The following ANKRD55 variants were observed in gnomAD, a reference collection of about 807,000 sequenced individuals.
The protein encoded by ANKRD55 is ankyrin repeat domain 55.
Under a neutral mutation model 60.6 loss-of-function variants are expected in ANKRD55, and 41 were observed. That is an observed-to-expected ratio of 0.68 (90% CI 0.53 to 0.88). ANKRD55 has a LOEUF of 0.88. Ranked by LOEUF, ANKRD55 falls within the 40% of genes least tolerant of loss-of-function variation. The pLI, the probability that ANKRD55 is intolerant of heterozygous loss-of-function variation, is 0.00. For missense variants in ANKRD55, 732 were observed against 767.6 expected (o/e 0.95, Z 0.55); for synonymous variants, 264 against 290.3 (o/e 0.91, Z 0.92).
intron 2 of ANKRD55, among the ~76,000 whole-genome samples, chr5:56,214,483 AC>A (rs1759755779): frequency 6.6e-6 from 1 of 152,182 alleles, no homozygotes. Flanking sequence ...TATAACCCAC[AC>A]CAACAGTTTC....
At chr5:56,194,400 G>A (rs1292753967) in intron 2 of ANKRD55, among the ~76,000 whole-genome samples, 2 of 151,464 alleles carry the variant, frequency 1.3e-5, no homozygotes, top group African/African-American at 4.9e-5. Context: ...GTTTATATTT[G>A]CAGGATGATA....
intron 5 of ANKRD55, among the ~76,000 whole-genome samples, chr5:56,169,008 C>T (rs544137505): frequency 2.6e-5 from 4 of 152,230 alleles, no homozygotes; most frequent in African/African-American, 9.6e-5. Flanking sequence ...AGGCACTCAC[C>T]ACCACATCTG....
At chr5:56,185,404 C>T (rs1012317339) in intron 2 of ANKRD55, among the ~76,000 whole-genome samples, 13 of 151,762 alleles carry the variant, frequency 8.6e-5, no homozygotes, top group South Asian at 2.1e-4. Flanking sequence ...TGGTGGCTCA[C>T]GCCTGTAATC....
rs1487168393 is a variant in ANKRD55, at chr5:56,159,875, C to T, written c.441G>A (p.Leu147=). ...EPDMRLLTVL[L]QQSNISEINH... The stretch of plus-strand genomic sequence containing the variant: ...TAATCTCGCTGATGTTCGACTGTTG[C>T]AACAGGACCGTGAGGAGCCTGTAAG... The change falls in exon 6 of 12, where the codon TTG becomes TTA. Residue 147 remains leucine, a synonymous_variant. Coordinates refer to ENST00000341048, the MANE Select transcript of ANKRD55 (RefSeq NM_024669.3). 3 of 1,613,796 alleles carry T rather than the reference C, an allele frequency of 1.9e-6. No homozygotes were observed. The highest frequency in any genetic ancestry group is 2.5e-6 in the Non-Finnish European group (3 of 1,179,834).
chr5:56,166,158 TTTCCTTC>T (rs1758470751), intron 5 of ANKRD55, among the ~76,000 whole-genome samples: 18 of 72,458 alleles, frequency 2.5e-4, no homozygotes, highest in Non-Finnish European at 3.4e-4. Context: ...TTCTTTCTTC[TTTCCTTC>T]CTTCCTTCCT....
chr5:56,142,893 G>T (rs1292422743), intron 7 of ANKRD55, among the ~76,000 whole-genome samples: 1 of 152,220 alleles, frequency 6.6e-6, no homozygotes, highest in African/African-American at 2.4e-5. Context: ...AGAAACTGAA[G>T]CCAAGGTTAG....
chr5:56,209,423 T>A (rs1759602266), intron 2 of ANKRD55, among the ~76,000 whole-genome samples: 1 of 152,238 alleles, frequency 6.6e-6, no homozygotes, highest in Non-Finnish European at 1.5e-5. Flanking sequence ...TTATAAGTTC[T>A]GTTGCTATTC....
intron 2 of ANKRD55, among the ~76,000 whole-genome samples, chr5:56,229,626 G>A (rs1760200995): frequency 6.6e-6 from 1 of 152,170 alleles, no homozygotes; most frequent in Non-Finnish European, 1.5e-5. Flanking sequence ...CAAGACCCTG[G>A]CATGCCTCGT....
chr5:56,135,462 C>G (rs532045775), intron 7 of ANKRD55, among the ~76,000 whole-genome samples: 1 of 151,760 alleles, frequency 6.6e-6, no homozygotes, highest in African/African-American at 2.4e-5. Context: ...CTCCGCCTCC[C>G]AGGTTCAAGC....
intron 4 of ANKRD55, among the ~76,000 whole-genome samples, chr5:56,173,582 C>CTCTATATATATATATA (rs1484157730): frequency 2.2e-5 from 1 of 45,244 alleles, no homozygotes; most frequent in African/African-American, 8.7e-5. Context: ...CTCTCTCTCT[C>CTCTATATATATATATA]TATATATATA....
chr5:56,161,474 T>C (rs780665282), intron 5 of ANKRD55, among the ~76,000 whole-genome samples: 59 of 152,242 alleles, frequency 3.9e-4, no homozygotes, highest in Non-Finnish European at 1.0e-4. Context: ...GCCCTAAGTA[T>C]TAAATTGTTA....
At chr5:56,124,076 T>C (rs896732153) in intron 8 of ANKRD55, among the ~76,000 whole-genome samples, 1 of 152,174 alleles carries the variant, frequency 6.6e-6, no homozygotes, top group Admixed American at 6.5e-5. Flanking sequence ...TAATGAAACA[T>C]GTAAACATTC....
chr5:56,118,353 C>T (rs1293195489), intron 8 of ANKRD55, among the ~76,000 whole-genome samples: 5 of 152,000 alleles, frequency 3.3e-5, no homozygotes, highest in South Asian at 2.1e-4. Context: ...TGGCTGGGTG[C>T]GGTGGCTCAC....
intron 3 of ANKRD55, among the ~76,000 whole-genome samples, chr5:56,176,632 A>G (rs1758744106): frequency 6.6e-6 from 1 of 152,134 alleles, no homozygotes; most frequent in Admixed American, 6.6e-5. Context: ...TGCCTTTGGA[A>G]AGCCGCTCTA....
chr5:56,130,024 T>C (rs896244204), intron 7 of ANKRD55, among the ~76,000 whole-genome samples: 6 of 152,192 alleles, frequency 3.9e-5, no homozygotes, highest in African/African-American at 1.2e-4. Context: ...GAAAGAAACG[T>C]GCCTAATATC....
Position 56,116,640 on chromosome 5 carries a change from C to T in ANKRD55, c.940G>A (p.Val314Ile). 6.2e-7 allele frequency: 1 copy of T among 1,602,504 alleles called. No homozygotes were observed. Among genetic ancestry groups the T allele is most frequent in the Non-Finnish European group, 8.5e-7 (1 of 1,175,106 alleles). The change falls in exon 9 of 12, where the codon GTC (valine) becomes ATC (isoleucine). Residue 314 changes from valine (V) to isoleucine (I), a missense_variant. By Grantham distance (29) the Val-to-Ile change is conservative. Around this residue, in one of 3 missense-constraint regions of ANKRD55, gnomAD observed 597 missense variants for 607.5 expected, o/e 0.98. Transcript: ENST00000341048. ...YALYCGHTAC[V>I]KLLSQESRTE... ...CTGCTCTCTTGGGAGAGGAGTTTGA[C>T]ACACGCCGTGTGACCGCAGTACAGG...
intron 5 of ANKRD55, among the ~76,000 whole-genome samples, chr5:56,169,959 T>C (rs974088209): frequency 9.2e-5 from 14 of 152,348 alleles, no homozygotes; most frequent in African/African-American, 3.1e-4. Context: ...CACAGAGGAA[T>C]GGAGAAGCTA....
chr5:56,169,479 T>C (rs896253199), intron 5 of ANKRD55, among the ~76,000 whole-genome samples: 2 of 151,986 alleles, frequency 1.3e-5, no homozygotes, highest in African/African-American at 4.8e-5. Context: ...CCTCACGATG[T>C]CTATTGATTG....
At chr5:56,191,336 G>A (rs1006564066) in intron 2 of ANKRD55, among the ~76,000 whole-genome samples, 4 of 152,100 alleles carry the variant, frequency 2.6e-5, no homozygotes, top group Non-Finnish European at 5.9e-5. Flanking sequence ...CTAATTCATG[G>A]AACATAAAAT....
Sources: gnomAD v4.1 joint callset for allele counts (sites outside exome capture counted in the v4.1 genomes callset) on GRCh38, gnomAD v4.1.1 for gene constraint, gnomAD v4.1.1 regional missense constraint, MANE v1.5 for transcripts, NCBI Gene and HGNC (gene_info 2026-07-23, HGNC 2026-07-21) for gene names.